SRRM4: variants seen among roughly 807,000 people sequenced by gnomAD.
SRRM4 encodes the protein serine/arginine repetitive matrix 4, also known as serine/arginine repetitive matrix protein 4.
A neutral mutation model predicts 68.9 loss-of-function variants in SRRM4; 33 were observed. The ratio of observed to expected loss-of-function variants is 0.48; its 90% CI spans 0.36 to 0.64. The LOEUF is 0.64. SRRM4 is among the 30% of genes least tolerant of loss of function. SRRM4 has a pLI of 0.00. For synonymous variants in SRRM4, 318 were observed against 318.8 expected (o/e 1.00, Z 0.03); for missense variants, 817 against 827.1 (o/e 0.99, Z 0.15).
rs1954492266 is a variant in SRRM4 at position 119,159,016 on chromosome 12, TG to T, written c.*2219del. The T allele has an allele frequency of 7.8e-6, 1 of 128,708 alleles. No individual in the cohort carries two copies. The highest frequency in any genetic ancestry group is 8.3e-5 in the Admixed American group (1 of 11,982). The allele number at this position is 128,708 out of a possible 1,614,324, so 8.0% of individuals were successfully genotyped here. Reference sequence around the variant, plus strand: ...GTGTGTGTGTGTGTGTGTGTGTGTGTGTTGGGGGGATCTCCTAAATTATTTC... The same window carrying T: ...GTGTGTGTGTGTGTGTGTGTGTGTGTTTGGGGGGATCTCCTAAATTATTTC... On this transcript the variant is annotated 3_prime_UTR_variant, in exon 13 of 13. Transcript: ENST00000267260.
chr12:119,079,630 G>T (rs1053787409), intron 1 of SRRM4, among the ~76,000 whole-genome samples: 2 of 152,170 alleles, frequency 1.3e-5, no homozygotes, highest in African/African-American at 4.8e-5. Flanking sequence ...TTGCCCTGTG[G>T]TCGCACACTT....
intron 1 of SRRM4, among the ~76,000 whole-genome samples, chr12:119,052,963 G>C (rs1430269362): frequency 1.3e-5 from 2 of 152,212 alleles, no homozygotes; most frequent in African/African-American, 4.8e-5. Flanking sequence ...ATTTGCCTGA[G>C]AGATTTGAGG....
chr12:119,012,495 A>G (rs56714396), intron 1 of SRRM4, among the ~76,000 whole-genome samples: 1 of 152,160 alleles, frequency 6.6e-6, no homozygotes, highest in East Asian at 1.9e-4. Flanking sequence ...CCACTTTGGA[A>G]CTGTAGGGCA....
chr12:119,090,371 G>A (rs1303519160), intron 1 of SRRM4, among the ~76,000 whole-genome samples: 2 of 152,152 alleles, frequency 1.3e-5, no homozygotes. Flanking sequence ...AGCAGGATAG[G>A]ACAGGGGAAG....
In SRRM4 at chr12:119,150,943, G is replaced by A; in HGVS notation, c.1077-74G>A. 3 of 1,412,476 alleles carry A rather than the reference G, an allele frequency of 2.1e-6. No homozygotes were observed. The Middle Eastern group carries it at 5.6e-4, about 265-fold the overall frequency. The allele number at this position is 1,412,476 out of a possible 1,614,324, so 87.5% of individuals were successfully genotyped here. Reference sequence around the variant, plus strand: ...TGAGAGCACCACAGCCTAGGCCAAGGTAGGGAGGTATTCAAACAAGATGCT... The same window carrying A: ...TGAGAGCACCACAGCCTAGGCCAAGATAGGGAGGTATTCAAACAAGATGCT... On this transcript the variant is annotated intron_variant, in intron 9 of 12. Transcript: ENST00000267260.
At chr12:119,049,425 T>C (rs1953727421) in intron 1 of SRRM4, among the ~76,000 whole-genome samples, 1 of 152,210 alleles carries the variant, frequency 6.6e-6, no homozygotes, top group South Asian at 2.1e-4. Context: ...CCAATTTGTA[T>C]GGCAACTTTT....
At chr12:119,039,210 A>G (rs930371654) in intron 1 of SRRM4, among the ~76,000 whole-genome samples, 5 of 152,192 alleles carry the variant, frequency 3.3e-5, no homozygotes, top group African/African-American at 1.2e-4. Flanking sequence ...AGGGGAAAAG[A>G]TTACAAGCCA....
chr12:118,981,718 G>C lies in SRRM4; in HGVS notation c.-165G>C. The C allele has an allele frequency of 1.4e-6, 1 of 727,060 alleles. No individual in the cohort carries two copies. Among genetic ancestry groups the C allele is most frequent in the Non-Finnish European group, 2.2e-6 (1 of 455,868 alleles). The allele number at this position is 727,060 out of a possible 1,614,324, so 45.0% of individuals were successfully genotyped here. On this transcript the variant is annotated 5_prime_UTR_variant, in exon 1 of 13. Coordinates refer to ENST00000267260, the MANE Select transcript of SRRM4 (RefSeq NM_194286.4). ...AGCCTCCTTTCTCTGCTGCCTGCCC[G>C]GGCTGGGGCGTCCCATCCCCCGCCC... is the stretch of plus-strand genomic sequence containing the variant.
chr12:119,027,515 A>C lies in SRRM4; in HGVS notation c.131+45502A>C, dbSNP rs115554091. On this transcript the variant is annotated intron_variant, in intron 1 of 12. Coordinates refer to ENST00000267260, the MANE Select transcript of SRRM4 (RefSeq NM_194286.4). The stretch of plus-strand genomic sequence containing the variant: ...ATATTAATATATGGCACAATGAGTC[A>C]GATCTACAAGCACTCATTGTGCCTT... 8.3e-3 allele frequency among the ~76,000 whole-genome samples: 1,254 copies of C among 151,712 alleles called. 22 individuals carry two copies. The highest frequency in any genetic ancestry group is 0.029 in the African/African-American group (1,187 of 41,284).
intron 1 of SRRM4, among the ~76,000 whole-genome samples, chr12:119,065,168 C>A (rs748005555): frequency 1.2e-4 from 19 of 152,098 alleles, no homozygotes; most frequent in Admixed American, 2.0e-4. Context: ...GGGGTAGGAC[C>A]AGCAATCAAG....
chr12:119,101,123 A>C (rs1427815769), intron 1 of SRRM4, among the ~76,000 whole-genome samples: 1 of 152,216 alleles, frequency 6.6e-6, no homozygotes, highest in African/African-American at 2.4e-5. Context: ...GGATGCACTG[A>C]TGCAGAAGCC....
chr12:119,100,863 G>C (rs1035407644), intron 1 of SRRM4, among the ~76,000 whole-genome samples: 2 of 152,210 alleles, frequency 1.3e-5, no homozygotes, highest in Non-Finnish European at 1.5e-5. Flanking sequence ...GAGCAGGATG[G>C]AAGGGAGTTC....
intron 1 of SRRM4, among the ~76,000 whole-genome samples, chr12:119,093,310 T>C (rs541921452): frequency 2.0e-5 from 3 of 152,232 alleles, no homozygotes; most frequent in Non-Finnish European, 2.9e-5. Context: ...TAAATATTTG[T>C]TGAATGAAGA....
chr12:118,998,292 A>AAAAAAAAAAAAAAAAC (rs1953362102), intron 1 of SRRM4, among the ~76,000 whole-genome samples: 1 of 149,038 alleles, frequency 6.7e-6, no homozygotes, highest in Non-Finnish European at 1.5e-5. Context: ...AAAAAAAAAA[A>AAAAAAAAAAAAAAAAC]AAAAAAATCA....
At chr12:119,007,527 A>G (rs1224710114) in intron 1 of SRRM4, among the ~76,000 whole-genome samples, 1 of 152,198 alleles carries the variant, frequency 6.6e-6, no homozygotes, top group Admixed American at 6.5e-5. Flanking sequence ...CTTGCCATGT[A>G]AATTTCCATC....
chr12:119,117,313 G>A (rs1351277795), intron 4 of SRRM4, among the ~76,000 whole-genome samples: 2 of 152,144 alleles, frequency 1.3e-5, no homozygotes, highest in African/African-American at 4.8e-5. Flanking sequence ...CCTGGGACCT[G>A]AAGTGCCCGC....
At chr12:119,118,977 G>C (rs1476665045) in intron 4 of SRRM4, among the ~76,000 whole-genome samples, 4 of 151,892 alleles carry the variant, frequency 2.6e-5, no homozygotes, top group Admixed American at 2.6e-4. Context: ...AGCCTCTCCA[G>C]GCTCTTGAAA....
rs543054391 is a variant in SRRM4, at chr12:119,072,782, C to T, written c.132-29454C>T. On this transcript the variant is annotated intron_variant, in intron 1 of 12. Transcript: ENST00000267260. ...CTAACTAGCTTGTTTTTGAGCCTCC[C>T]TGAGATTCCAGGCACTTCACATGCA... Among the ~76,000 whole-genome samples the T allele has an allele frequency of 1.6e-4, 24 of 152,278 alleles. No homozygotes were observed. The South Asian group carries it at 5.0e-3, about 32-fold the overall frequency.
intron 8 of SRRM4, among the ~76,000 whole-genome samples, chr12:119,144,833 G>C (rs1319189859): frequency 6.6e-6 from 1 of 151,726 alleles, no homozygotes; most frequent in Non-Finnish European, 1.5e-5. Context: ...TTTTCCCCAT[G>C]TGATATTTGT....
Sources: allele counts gnomAD v4.1 joint callset (sites outside exome capture counted in the v4.1 genomes callset), GRCh38; gene constraint gnomAD v4.1.1; transcripts MANE v1.5; gene names NCBI Gene and HGNC (gene_info 2026-07-23, HGNC 2026-07-21).